The following TMPRSS6 variants were observed in gnomAD, a reference collection of about 807,000 sequenced individuals.
The protein encoded by TMPRSS6 is transmembrane serine protease 6, also known as transmembrane protease serine 6.
A neutral mutation model predicts 101.5 loss-of-function variants in TMPRSS6; 67 were observed. The ratio of observed to expected loss-of-function variants is 0.66; its 90% CI spans 0.54 to 0.81. TMPRSS6 has a LOEUF of 0.81. Ranked by LOEUF, TMPRSS6 falls within the 30% of genes least tolerant of loss-of-function variation. The pLI, the probability that TMPRSS6 is intolerant of heterozygous loss-of-function variation, is 0.00. For missense variants in TMPRSS6, 1,034 were observed against 1,088.7 expected (o/e 0.95, Z 0.71); for synonymous variants, 453 against 464.9 (o/e 0.97, Z 0.33).
In TMPRSS6 at chr22:37,103,314, T is replaced by C. The variant is rs1460194517; in HGVS notation, c.104A>G (p.Lys35Arg). Residue 35 changes from lysine to arginine, a missense_variant, in exon 2 of 18, where the codon AAG becomes AGG. Coordinates refer to ENST00000676104, the MANE Select transcript of TMPRSS6 (RefSeq NM_001374504.1). This position sits in a 1 kb window ranked among gnomAD's most constrained non-coding sequence, Gnocchi z 4.4. ...GCGGAGGTAGCCCCGGGCTTTTCTCTTGGAGTCCTCACAGGCCTTGAACAT... is the reference window on the plus strand; with the variant it reads ...GCGGAGGTAGCCCCGGGCTTTTCTCCTGGAGTCCTCACAGGCCTTGAACAT... ...EGMFKACEDS[K>R]RKARGYLRLV... 3 of 1,614,210 alleles carry C rather than the reference T, an allele frequency of 1.9e-6. No homozygotes were observed. Among genetic ancestry groups the C allele is most frequent in the East Asian group, 2.2e-5 (1 of 44,884 alleles).
chr22:37,089,930 C>T (rs1929113524), intron 6 of TMPRSS6, 148 bp from the exon 7 acceptor site: 1 of 689,444 alleles, frequency 1.5e-6, no homozygotes, highest in Non-Finnish European at 2.4e-6. Flanking sequence ...TCTACCCCAT[C>T]CTTCTCTTTC....
intron 7 of TMPRSS6, among the ~76,000 whole-genome samples, chr22:37,087,596 C>T (rs1928890321): frequency 6.6e-6 from 1 of 152,100 alleles, no homozygotes; most frequent in South Asian, 2.1e-4. Flanking sequence ...CCCCCTCACC[C>T]CCCAGGCCCT....
At chr22:37,083,860 A>G (rs1036309250) in intron 10 of TMPRSS6, 2 of 391,454 alleles carry the variant, frequency 5.1e-6, no homozygotes, top group African/African-American at 4.0e-5. Context: ...CTGGCTGTGC[A>G]GCAGGGGTTC....
In TMPRSS6 at chr22:37,103,512, G is replaced by A; in HGVS notation, c.-1-94C>T. The A allele has an allele frequency of 6.2e-7, 1 of 1,614,196 alleles. No individual in the cohort carries two copies. Among genetic ancestry groups the A allele is most frequent in the Non-Finnish European group, 8.5e-7 (1 of 1,180,040 alleles). On this transcript the variant is annotated intron_variant, in intron 1 of 17. Coordinates refer to ENST00000676104, the MANE Select transcript of TMPRSS6 (RefSeq NM_001374504.1). This position sits in a 1 kb window ranked among gnomAD's most constrained non-coding sequence, Gnocchi z 4.4. ...TGGGGCACGGAAGCAGGACTTCCCT[G>A]CCTTTTGGAGTGGAAGAGTAACAAC...
rs777214750 is a variant in TMPRSS6 at position 37,074,592 on chromosome 22, C to T, written c.1441+18G>A. 30 of 1,606,254 alleles carry T rather than the reference C, an allele frequency of 1.9e-5. No individual in the cohort carries two copies. Among genetic ancestry groups the T allele is most frequent in the South Asian group, 1.3e-4 (12 of 90,788 alleles). ...GGGATGGGCAGGGAGAGGAGGGATG[C>T]GCGGGCGGGTTACTCACCGCAGTTT... On this transcript the variant is annotated intron_variant, in intron 12 of 17. Transcript: ENST00000676104.
chr22:37,090,538 C>G (rs1230378242), intron 6 of TMPRSS6, among the ~76,000 whole-genome samples: 1 of 152,206 alleles, frequency 6.6e-6, no homozygotes, highest in Non-Finnish European at 1.5e-5. Context: ...AAAACAGGTG[C>G]TTATCAAGCA....
chr22:37,094,267 C>T (rs1305699812), intron 6 of TMPRSS6, among the ~76,000 whole-genome samples: 1 of 152,130 alleles, frequency 6.6e-6, no homozygotes, highest in Non-Finnish European at 1.5e-5. Context: ...TTTTAATTCA[C>T]TAGAAAAGAC....
chr22:37,086,003 A>T (rs1217748425), intron 8 of TMPRSS6, among the ~76,000 whole-genome samples: 1 of 151,378 alleles, frequency 6.6e-6, no homozygotes, highest in African/African-American at 2.4e-5. Context: ...AGGAGAGAGA[A>T]GGAAGGACAG....
intron 3 of TMPRSS6, 129 bp downstream of exon 3, chr22:37,098,286 GC>G: frequency 7.3e-7 from 1 of 1,365,006 alleles, no homozygotes; most frequent in Non-Finnish European, 1.0e-6. Context: ...CTTCCATGGT[GC>G]CTGGAGCAGG....
rs1422361321 is a variant in TMPRSS6 at position 37,069,914 on chromosome 22, G to T, written c.1841+570C>A. On this transcript the variant is annotated intron_variant, in intron 15 of 17. Transcript: ENST00000676104. This position sits in a 1 kb window ranked among gnomAD's most constrained non-coding sequence, Gnocchi z 4.8. ...AGATGGGGTTAAAGAGAGCTAGGTG[G>T]TCAGAGCGCCCTGCGTCCCAGAGAG... is the stretch of plus-strand genomic sequence containing the variant. Among the ~76,000 whole-genome samples the T allele has an allele frequency of 6.6e-6, 1 of 152,154 alleles. No individual in the cohort carries two copies. Among genetic ancestry groups the T allele is most frequent in the Non-Finnish European group, 1.5e-5 (1 of 68,024 alleles).
chr22:37,089,536 CT>C, intron 7 of TMPRSS6, 41 bp downstream of exon 7: 3 of 1,535,510 alleles, frequency 2.0e-6, no homozygotes, highest in South Asian at 1.2e-5. Context: ...CAACCACTCC[CT>C]TTTCCAGCCC....
rs1480067878 is a variant in TMPRSS6 at position 37,097,864 on chromosome 22, ACGGAGGGGGAGGAGAGGGCCACCG to A, written c.336+528_336+551del. 7.7e-4 allele frequency among the ~76,000 whole-genome samples: 79 copies of A among 102,822 alleles called. 13 individuals carry two copies. The highest frequency in any genetic ancestry group is 2.7e-3 in the African/African-American group (73 of 27,372). The allele number at this position is 102,822 out of a possible 152,430, so 67.5% of individuals were successfully genotyped here. ...GGGAAGAGCGGGCCACCGTCCTGTAACGGAGGGGGAGGAGAGGGCCACCGTCCTGTTACGGAGGGGGAGGAGAGG... is the reference window on the plus strand; with the variant it reads ...GGGAAGAGCGGGCCACCGTCCTGTAATCCTGTTACGGAGGGGGAGGAGAGG... On this transcript the variant is annotated intron_variant, in intron 3 of 17. Coordinates refer to ENST00000676104, the MANE Select transcript of TMPRSS6 (RefSeq NM_001374504.1).
chr22:37,089,808 C>T (rs760815405), intron 6 of TMPRSS6, 26 bp from the exon 7 acceptor site: 2 of 1,601,982 alleles, frequency 1.2e-6, no homozygotes, highest in East Asian at 2.2e-5. Context: ...GGGCACAGCC[C>T]CTGATTCCTG....
intron 10 of TMPRSS6, among the ~76,000 whole-genome samples, chr22:37,079,813 G>A (rs1928118851): frequency 6.6e-6 from 1 of 152,274 alleles, no homozygotes; most frequent in Non-Finnish European, 1.5e-5. Flanking sequence ...GGAGGAAGCA[G>A]CTTGCACTCT....
chr22:37,083,871 G>A lies in TMPRSS6; in HGVS notation c.1196+424C>T, dbSNP rs149771502. On this transcript the variant is annotated intron_variant, in intron 10 of 17. Coordinates refer to ENST00000676104, the MANE Select transcript of TMPRSS6 (RefSeq NM_001374504.1). Reference sequence around the variant, plus strand: ...GGGCCTGGCTGTGCAGCAGGGGTTCGTGATAAGGGAGAGGCACCTCTGATG... The same window carrying A: ...GGGCCTGGCTGTGCAGCAGGGGTTCATGATAAGGGAGAGGCACCTCTGATG... The A allele has an allele frequency of 4.5e-4, 187 of 412,686 alleles. 2 individuals carry two copies. The highest frequency in any genetic ancestry group is 3.3e-3 in the African/African-American group (169 of 50,534). The allele number at this position is 412,686 out of a possible 1,614,324, so 25.6% of individuals were successfully genotyped here. A position where few individuals can be genotyped will look rare whatever the true frequency, so the allele number is the denominator to read the frequency against.
intron 7 of TMPRSS6, among the ~76,000 whole-genome samples, chr22:37,088,362 G>C (rs975536636): frequency 6.6e-6 from 1 of 152,170 alleles, no homozygotes; most frequent in Admixed American, 6.5e-5. Flanking sequence ...GACTGCGCTT[G>C]ATCTGAACAC....
At chr22:37,078,740 TGAA>T (rs781299845) in intron 10 of TMPRSS6, among the ~76,000 whole-genome samples, 1 of 126,944 alleles carries the variant, frequency 7.9e-6, no homozygotes, top group African/African-American at 3.1e-5. Context: ...GAAGAAAAGA[TGAA>T]GAGGAAGAAA....
Position 37,069,002 on chromosome 22 carries a change from C to T in TMPRSS6, c.2113+71G>A. 1 of 1,521,986 alleles carries T rather than the reference C, an allele frequency of 6.6e-7. No homozygotes were observed. The highest frequency in any genetic ancestry group is 8.8e-7 in the Non-Finnish European group (1 of 1,140,252). 94.3% of individuals were successfully genotyped at this position (1,521,986 alleles called of 1,614,324 possible). A position where few individuals can be genotyped will look rare whatever the true frequency, so the allele number is the denominator to read the frequency against. On this transcript the variant is annotated intron_variant, in intron 16 of 17. Transcript: ENST00000676104. This position sits in a 1 kb window ranked among gnomAD's most constrained non-coding sequence, Gnocchi z 4.8. ...CCGGGACCCCCAGCCCCGCCCTTCT[C>T]CAGGCCAGGTGTTACGGCGCAGATC...
intron 7 of TMPRSS6, 73 bp from the exon 8 acceptor site, chr22:37,086,492 T>C: frequency 6.9e-7 from 1 of 1,448,924 alleles, no homozygotes; most frequent in South Asian, 1.2e-5. Context: ...GGCAGGCGGC[T>C]GCTGGGGGAG....
Sources: gnomAD v4.1 joint callset for allele counts (sites outside exome capture counted in the v4.1 genomes callset) on GRCh38, gnomAD v4.1.1 for gene constraint, Gnocchi (gnomAD v3.1) non-coding constraint, MANE v1.5 for transcripts, NCBI Gene and HGNC (gene_info 2026-07-23, HGNC 2026-07-21) for gene names.